The following NIPSNAP2 variants were observed in gnomAD, a reference collection of about 807,000 sequenced individuals.
NIPSNAP2 encodes protein NipSnap homolog 2.
In NIPSNAP2, 42 loss-of-function variants were observed where a neutral mutation model predicts 48.4. That is an observed-to-expected ratio of 0.87 (90% CI 0.68 to 1.12). The LOEUF is 1.12. Ranked by LOEUF, NIPSNAP2 falls within the 50% of genes most tolerant of loss-of-function variation. NIPSNAP2 has a pLI of 0.00. For synonymous variants in NIPSNAP2, 158 were observed against 126.6 expected (o/e 1.25, Z -1.67); for missense variants, 314 against 347.3 (o/e 0.90, Z 0.76).
At position 55,978,020 on chromosome 7, in the gene NIPSNAP2, A is replaced by G. The variant is rs528626356; in HGVS notation, c.93-106A>G. On this transcript the variant is annotated intron_variant, in intron 1 of 9. Transcript: ENST00000322090. ...GAAAGCAGGCATTCTTTGGTAGCCC[A>G]GGTTCTGGAACGGTGCCTAGAATAG... The G allele has an allele frequency of 7.1e-5, 91 of 1,273,248 alleles. 1 individual carries two copies. In the Middle Eastern group the frequency reaches 1.2e-3, roughly 17 times the overall value. The allele number at this position is 1,273,248 out of a possible 1,614,324, so 78.9% of individuals were successfully genotyped here.
At chr7:55,982,557 G>C (rs992916700) in intron 5 of NIPSNAP2, among the ~76,000 whole-genome samples, 3 of 149,312 alleles carry the variant, frequency 2.0e-5, no homozygotes, top group Admixed American at 2.0e-4. Context: ...GACCATCCTG[G>C]CTTACACAGT....
intron 7 of NIPSNAP2, among the ~76,000 whole-genome samples, chr7:55,992,772 G>A (rs1351915185): frequency 6.6e-6 from 1 of 152,252 alleles, no homozygotes; most frequent in South Asian, 2.1e-4. Flanking sequence ...GAGACTTCAG[G>A]CCAGAGCCTG....
chr7:55,979,925 A>G, intron 3 of NIPSNAP2: 1 of 446,860 alleles, frequency 2.2e-6, no homozygotes, highest in South Asian at 1.6e-5. Flanking sequence ...TGGGGTCCCC[A>G]GCAAAGAGGA....
chr7:55,978,871 C>T, intron 3 of NIPSNAP2: 2 of 154,662 alleles, frequency 1.3e-5, no homozygotes, highest in Non-Finnish European at 2.9e-5. Flanking sequence ...CTCCTCTGTT[C>T]TCCAGGATCC....
At chr7:55,986,789 A>G (rs1344402229) in intron 7 of NIPSNAP2, among the ~76,000 whole-genome samples, 4 of 152,134 alleles carry the variant, frequency 2.6e-5, no homozygotes, top group African/African-American at 9.7e-5. Context: ...CAGAATAGAT[A>G]AATAATTCTT....
intron 1 of NIPSNAP2, among the ~76,000 whole-genome samples, chr7:55,969,697 C>G (rs949106965): frequency 2.0e-5 from 3 of 152,084 alleles, no homozygotes; most frequent in Non-Finnish European, 2.9e-5. Flanking sequence ...TAACAGTGAT[C>G]ATATTGCCGG....
chr7:55,975,286 A>G (rs991590220), intron 1 of NIPSNAP2, among the ~76,000 whole-genome samples: 1 of 151,736 alleles, frequency 6.6e-6, no homozygotes, highest in Non-Finnish European at 1.5e-5. Flanking sequence ...TCTGGGGGTC[A>G]AGGCTGCAGT....
At chr7:55,983,957 A>C (rs886652092) in intron 6 of NIPSNAP2, 89 bp downstream of exon 6, 16 of 1,172,058 alleles carry the variant, frequency 1.4e-5, no homozygotes, top group Non-Finnish European at 2.0e-5. Flanking sequence ...TTGTGTGTAC[A>C]TTCTGTGATG....
chr7:55,982,751 CAAA>C (rs35890311), intron 5 of NIPSNAP2, among the ~76,000 whole-genome samples: 2 of 114,750 alleles, frequency 1.7e-5, no homozygotes. Context: ...GACTCTGTCT[CAAA>C]AAAAAAAAAA....
chr7:55,981,655 T>C lies in NIPSNAP2; in HGVS notation c.373+88T>C, dbSNP rs150871291. On this transcript the variant is annotated intron_variant, in intron 4 of 9. Transcript: ENST00000322090. ...TTTTCTAATTTAATGCTTGTTCTTA[T>C]CATCAAAGCTTTCCAAGTCTCAGTC... The C allele has an allele frequency of 7.7e-3, 6,022 of 783,822 alleles. 38 individuals are homozygous for C. The highest frequency in any genetic ancestry group is 9.7e-3 in the Non-Finnish European group (4,620 of 477,530). 48.6% of individuals were successfully genotyped at this position (783,822 alleles called of 1,614,324 possible).
In NIPSNAP2 at chr7:55,994,948, C is replaced by T; in HGVS notation, c.672C>T (p.Phe224=). The stretch of plus-strand genomic sequence containing the variant: ...GTAACGAAGCCGTCGGAGGATTCTT[C>T]TCTCAGATTGGGCAGCTGTACATGG... The part of the protein sequence containing the change: ...QDGNEAVGGF[F]SQIGQLYMVH... Residue 224 remains phenylalanine, a synonymous_variant, in exon 8 of 10, where the codon TTC becomes TTT. Transcript: ENST00000322090. The T allele has an allele frequency of 1.2e-6, 2 of 1,614,166 alleles. No homozygotes were observed. Among genetic ancestry groups the T allele is most frequent in the East Asian group, 2.2e-5 (1 of 44,878 alleles).
rs1308889609 is a variant in NIPSNAP2, at chr7:56,000,023, A to C, written c.*951A>C. ...GTATGCCAATTTTGTGACTGTTACCATGTGAAAGTCCTGTTGAAATGAACA... is the reference window on the plus strand; with the variant it reads ...GTATGCCAATTTTGTGACTGTTACCCTGTGAAAGTCCTGTTGAAATGAACA... On this transcript the variant is annotated 3_prime_UTR_variant, in exon 10 of 10. Transcript: ENST00000322090. The C allele has an allele frequency of 6.6e-6, 1 of 152,618 alleles. No homozygotes were observed. The highest frequency in any genetic ancestry group is 1.9e-4 in the East Asian group (1 of 5,196). 9.5% of individuals were successfully genotyped at this position (152,618 alleles called of 1,614,324 possible).
chr7:55,970,509 G>A (rs1464985826), intron 1 of NIPSNAP2, among the ~76,000 whole-genome samples: 1 of 151,730 alleles, frequency 6.6e-6, no homozygotes, highest in East Asian at 1.9e-4. Flanking sequence ...ACAGGGTTTG[G>A]CCATGTTGCC....
chr7:55,995,360 T>C (rs1787540381), intron 8 of NIPSNAP2, among the ~76,000 whole-genome samples: 1 of 152,196 alleles, frequency 6.6e-6, no homozygotes, highest in South Asian at 2.1e-4. Flanking sequence ...GAGCAGCAGC[T>C]TCCTGCACAT....
Position 55,999,116 on chromosome 7 carries a change from T to C in NIPSNAP2, c.*44T>C, listed in dbSNP as rs1584354935. The C allele has an allele frequency of 6.8e-7, 1 of 1,475,304 alleles. No individual in the cohort carries two copies. Among genetic ancestry groups the C allele is most frequent in the South Asian group, 1.2e-5 (1 of 86,232 alleles). 91.4% of individuals were successfully genotyped at this position (1,475,304 alleles called of 1,614,324 possible). A position where few individuals can be genotyped will look rare whatever the true frequency, so the allele number is the denominator to read the frequency against. On this transcript the variant is annotated 3_prime_UTR_variant, in exon 10 of 10. Coordinates refer to ENST00000322090, the MANE Select transcript of NIPSNAP2 (RefSeq NM_001483.3). ...TGCCTACATACATTTCTGTGACAAG[T>C]ATTTGTCGTAAATTAATTTTAATTG...
At chr7:55,992,156 A>G (rs1787468995) in intron 7 of NIPSNAP2, among the ~76,000 whole-genome samples, 1 of 151,994 alleles carries the variant, frequency 6.6e-6, no homozygotes, top group South Asian at 2.1e-4. Context: ...CTTTTTCACC[A>G]TAAAGGAACC....
At chr7:55,991,786 T>G in intron 7 of NIPSNAP2, 1 of 223,068 alleles carries the variant, frequency 4.5e-6, no homozygotes, top group Non-Finnish European at 8.8e-6. Flanking sequence ...ATATATAATT[T>G]ATAAAGCCAG....
chr7:55,983,539 C>G (rs1487001360), intron 5 of NIPSNAP2, among the ~76,000 whole-genome samples, 189 bp from the exon 6 acceptor site: 1 of 152,166 alleles, frequency 6.6e-6, no homozygotes, highest in Non-Finnish European at 1.5e-5. Flanking sequence ...AACCTGGACA[C>G]TTTTGAGAAT....
rs1562765785 is a variant in NIPSNAP2 at position 55,983,884 on chromosome 7, TAAGTTA to T, written c.585+17_585+22del. 1 of 1,608,312 alleles carries T rather than the reference TAAGTTA, an allele frequency of 6.2e-7. No homozygotes were observed. Among genetic ancestry groups the T allele is most frequent in the Admixed American group, 1.7e-5 (1 of 59,134 alleles). On this transcript the variant is annotated intron_variant, in intron 6 of 9. Transcript: ENST00000322090. ...CCAACTCCGAGTAAGTACAGAAATA[TAAGTTA>T]TTCCTTTTACTCCTCTGTGAAAAAG...
Sources: allele counts gnomAD v4.1 joint callset (sites outside exome capture counted in the v4.1 genomes callset), GRCh38; gene constraint gnomAD v4.1.1; transcripts MANE v1.5; gene names NCBI Gene and HGNC (gene_info 2026-07-23, HGNC 2026-07-21).